TBCA: variants seen among roughly 807,000 people sequenced by gnomAD.
The protein encoded by TBCA is tubulin folding cofactor A, also known as tubulin-specific chaperone A.
TBCA carries 6 observed loss-of-function variants against 15.8 expected under a neutral mutation model. That is an observed-to-expected ratio of 0.38 (90% CI 0.21 to 0.75). TBCA has a LOEUF of 0.75. Ranked by LOEUF, TBCA falls within the 30% of genes least tolerant of loss-of-function variation. The pLI is 0.46. For missense variants in TBCA, 90 were observed against 131.2 expected (o/e 0.69, Z 1.53); for synonymous variants, 32 against 42.3 (o/e 0.76, Z 0.94).
chr5:77,776,122 C>G, intron 1 of TBCA, 83 bp downstream of exon 1: 1 of 1,527,388 alleles, frequency 6.5e-7, no homozygotes, highest in Non-Finnish European at 8.9e-7. Flanking sequence ...CTCGGGCCTC[C>G]TCGGGCCTGC....
chr5:77,775,516 G>A (rs372336955), intron 1 of TBCA, among the ~76,000 whole-genome samples: 2 of 152,306 alleles, frequency 1.3e-5, no homozygotes, highest in East Asian at 3.9e-4. Context: ...TCATGGGCAC[G>A]TCCTTGGCAA....
At chr5:77,733,024 A>G (rs1027348144) in intron 1 of TBCA, among the ~76,000 whole-genome samples, 1 of 152,170 alleles carries the variant, frequency 6.6e-6, no homozygotes. Flanking sequence ...GTTCATGCCT[A>G]TGATCCCAGC....
At chr5:77,730,974 T>A (rs1195602753) in intron 1 of TBCA, among the ~76,000 whole-genome samples, 2 of 152,224 alleles carry the variant, frequency 1.3e-5, no homozygotes, top group East Asian at 3.8e-4. Context: ...TGAACATTTA[T>A]TTCCATTTTG....
chr5:77,729,310 T>C (rs575883207), intron 1 of TBCA, among the ~76,000 whole-genome samples: 134 of 151,528 alleles, frequency 8.8e-4, no homozygotes, highest in African/African-American at 3.2e-3. Flanking sequence ...TGAGATTCCA[T>C]CTAAAAAAAA....
At chr5:77,704,737 G>A (rs900283557) in intron 2 of TBCA, among the ~76,000 whole-genome samples, 3 of 152,172 alleles carry the variant, frequency 2.0e-5, no homozygotes, top group Non-Finnish European at 4.4e-5. Flanking sequence ...AGAAATGTAT[G>A]TAGGTTGGCT....
At chr5:77,722,423 T>C (rs180816881) in intron 1 of TBCA, among the ~76,000 whole-genome samples, 152 of 152,154 alleles carry the variant, frequency 1.0e-3, no homozygotes, top group African/African-American at 3.4e-3. Context: ...TGTTAATAGA[T>C]ATGGCAAAAG....
At chr5:77,746,150 C>T (rs974852339) in intron 1 of TBCA, among the ~76,000 whole-genome samples, 6 of 152,042 alleles carry the variant, frequency 3.9e-5, no homozygotes, top group Admixed American at 6.6e-5. Context: ...GTTTCAGGCC[C>T]GGCCGTGGTA....
chr5:77,721,525 CAAT>C (rs59899393), intron 1 of TBCA, among the ~76,000 whole-genome samples: 10,776 of 152,122 alleles, frequency 0.071, 520 homozygotes, highest in African/African-American at 0.14. Context: ...AATTTTCACA[CAAT>C]AATCCTATCT....
At chr5:77,706,859 G>T (rs1300756732) in intron 2 of TBCA, among the ~76,000 whole-genome samples, 2 of 150,434 alleles carry the variant, frequency 1.3e-5, no homozygotes, top group African/African-American at 4.9e-5. Flanking sequence ...AGAAATAGGA[G>T]ATGATGCTGA....
chr5:77,715,189 A>G, intron 1 of TBCA: 1 of 692,692 alleles, frequency 1.4e-6, no homozygotes, highest in South Asian at 1.5e-5. Flanking sequence ...ATTTTTAGTT[A>G]CATAAAAATG....
intron 1 of TBCA, among the ~76,000 whole-genome samples, chr5:77,755,393 A>C (rs1244864459): frequency 6.6e-6 from 1 of 151,914 alleles, no homozygotes; most frequent in Non-Finnish European, 1.5e-5. Flanking sequence ...CCTGACCAAC[A>C]AGGTGAAACC....
intron 1 of TBCA, among the ~76,000 whole-genome samples, chr5:77,760,567 C>T (rs1747594931): frequency 6.6e-6 from 1 of 152,192 alleles, no homozygotes; most frequent in Non-Finnish European, 1.5e-5. Flanking sequence ...GGATTACAGG[C>T]ACGCGCCACC....
chr5:77,719,995 T>C (rs1351253901), intron 1 of TBCA, among the ~76,000 whole-genome samples: 1 of 152,148 alleles, frequency 6.6e-6, no homozygotes. Context: ...TGTCTGTACA[T>C]TTGACTTTTT....
intron 1 of TBCA, among the ~76,000 whole-genome samples, chr5:77,709,495 C>T (rs1014980835): frequency 2.6e-5 from 4 of 152,032 alleles, no homozygotes; most frequent in African/African-American, 9.7e-5. Context: ...GCTTTCATAG[C>T]ACATATGTAA....
chr5:77,708,457 C>T (rs1251279691), intron 1 of TBCA, 110 bp from the exon 2 acceptor site: 5 of 606,164 alleles, frequency 8.2e-6, no homozygotes, highest in Non-Finnish European at 1.4e-5. Flanking sequence ...AGTAGATATA[C>T]TAGATGGGGG....
chr5:77,731,795 T>C (rs1356118861), intron 1 of TBCA, among the ~76,000 whole-genome samples: 2 of 152,222 alleles, frequency 1.3e-5, no homozygotes, highest in African/African-American at 4.8e-5. Flanking sequence ...ATCCAGGTTT[T>C]ACATAGATAA....
intron 1 of TBCA, among the ~76,000 whole-genome samples, chr5:77,761,102 A>G (rs1747620671): frequency 6.6e-6 from 1 of 152,144 alleles, no homozygotes; most frequent in South Asian, 2.1e-4. Flanking sequence ...GTGTGAAGTG[A>G]CAGCCTTTCT....
At chr5:77,742,285 C>A (rs1343568509) in intron 1 of TBCA, among the ~76,000 whole-genome samples, 1 of 152,130 alleles carries the variant, frequency 6.6e-6, no homozygotes, top group East Asian at 1.9e-4. Context: ...GATTTGGGGG[C>A]ACTTCAGATT....
At chr5:77,749,071 C>A (rs1747255701) in intron 1 of TBCA, among the ~76,000 whole-genome samples, 1 of 152,172 alleles carries the variant, frequency 6.6e-6, no homozygotes, top group African/African-American at 2.4e-5. Flanking sequence ...TTCTTTGGGG[C>A]ACTTTCAGCA....
Sources: allele counts gnomAD v4.1 joint callset (sites outside exome capture counted in the v4.1 genomes callset), GRCh38; gene constraint gnomAD v4.1.1; transcripts MANE v1.5; gene names NCBI Gene and HGNC (gene_info 2026-07-23, HGNC 2026-07-21).